Variants in NELL1 observed in about 807,000 individuals in gnomAD.
The protein encoded by NELL1 is protein kinase C-binding protein NELL1.
Under a neutral mutation model 107.4 loss-of-function variants are expected in NELL1, and 76 were observed. The observed-to-expected ratio is 0.71, with a 90% CI of 0.59 to 0.86. NELL1 has a LOEUF of 0.86. NELL1 is among the 40% of genes least tolerant of loss of function. NELL1 has a pLI of 0.00. For missense variants in NELL1, 1,024 were observed against 1,005.5 expected, an observed-to-expected ratio of 1.02 and a Z score of -0.25; for synonymous variants, 353 against 341.2, an observed-to-expected ratio of 1.03 and a Z score of -0.38.
chr11:21,301,277 G>T (rs553203850), intron 14 of NELL1, among the ~76,000 whole-genome samples: 1 of 152,156 alleles, frequency 6.6e-6, no homozygotes, highest in African/African-American at 2.4e-5. Flanking sequence ...GGATGGCTGG[G>T]TCAAATGGTA....
chr11:21,194,879 A>G (rs1052765988), intron 13 of NELL1, among the ~76,000 whole-genome samples: 6 of 152,130 alleles, frequency 3.9e-5, no homozygotes, highest in Non-Finnish European at 8.8e-5. Flanking sequence ...GCATACACCA[A>G]CCACTGGGGA....
At chr11:20,947,002 G>C (rs1484782689) in intron 10 of NELL1, among the ~76,000 whole-genome samples, 1 of 151,208 alleles carries the variant, frequency 6.6e-6, no homozygotes, top group Non-Finnish European at 1.5e-5. Context: ...TTACATCATA[G>C]AAATTAGGAA....
At chr11:20,792,466 A>G (rs1857093777) in intron 3 of NELL1, among the ~76,000 whole-genome samples, 1 of 151,778 alleles carries the variant, frequency 6.6e-6, no homozygotes, top group South Asian at 2.1e-4. Flanking sequence ...GTCTAGTAGT[A>G]CTTTCTAATA....
intron 14 of NELL1, among the ~76,000 whole-genome samples, chr11:21,348,002 T>A (rs907363474): frequency 5.9e-5 from 9 of 152,204 alleles, no homozygotes; most frequent in African/African-American, 2.2e-4. Context: ...CTGAAAAGGC[T>A]GAGCTAACAA....
chr11:20,841,899 A>G (rs1848629194), intron 3 of NELL1, among the ~76,000 whole-genome samples: 1 of 152,198 alleles, frequency 6.6e-6, no homozygotes, highest in South Asian at 2.1e-4. Context: ...CAGGTTTAAG[A>G]TTGCAACTCA....
At chr11:21,034,517 A>G (rs1304007298) in intron 12 of NELL1, among the ~76,000 whole-genome samples, 1 of 152,194 alleles carries the variant, frequency 6.6e-6, no homozygotes, top group Non-Finnish European at 1.5e-5. Flanking sequence ...TCCTGAGCAA[A>G]TGCGAAAGAC....
At chr11:20,791,147 C>T (rs1162818608) in intron 3 of NELL1, among the ~76,000 whole-genome samples, 1 of 152,160 alleles carries the variant, frequency 6.6e-6, no homozygotes, top group Non-Finnish European at 1.5e-5. Flanking sequence ...TGTATTGAAT[C>T]TGTAGGTCGT....
At chr11:20,755,158 A>G (rs1856232183) in intron 2 of NELL1, among the ~76,000 whole-genome samples, 1 of 152,142 alleles carries the variant, frequency 6.6e-6, no homozygotes, top group African/African-American at 2.4e-5. Context: ...TGCGGGAAGT[A>G]TGATAGGGGG....
chr11:20,920,511 G>A lies in NELL1; in HGVS notation c.759+1177G>A, dbSNP rs144549099. Among the ~76,000 whole-genome samples, 113 of 152,188 alleles carry A rather than the reference G, an allele frequency of 7.4e-4. 1 individual carries two copies. The Middle Eastern group carries it at 0.017, about 23-fold the overall frequency. ...ACTGAGGCCCAGATCTGAAGCATTA[G>A]CTTTTCGCTTCAGAGTATAGTGGGA... On this transcript the variant is annotated intron_variant, in intron 7 of 19. Coordinates refer to ENST00000357134, the MANE Select transcript of NELL1 (RefSeq NM_006157.5).
At chr11:21,029,324 T>C (rs969807300) in intron 12 of NELL1, among the ~76,000 whole-genome samples, 3 of 152,196 alleles carry the variant, frequency 2.0e-5, no homozygotes, top group African/African-American at 7.2e-5. Context: ...AACGTCACAT[T>C]ACAACGTCTA....
chr11:21,104,608 G>C (rs1854902392), intron 12 of NELL1, among the ~76,000 whole-genome samples: 2 of 152,146 alleles, frequency 1.3e-5, no homozygotes, highest in South Asian at 4.1e-4. Context: ...TACCATACAT[G>C]GGATGACCAA....
At chr11:21,307,056 A>G (rs1183044265) in intron 14 of NELL1, among the ~76,000 whole-genome samples, 1 of 151,918 alleles carries the variant, frequency 6.6e-6, no homozygotes, top group Non-Finnish European at 1.5e-5. Context: ...CATTTAAGTA[A>G]TTTATTTATG....
intron 4 of NELL1, among the ~76,000 whole-genome samples, chr11:20,879,540 G>A (rs1331983220): frequency 6.6e-6 from 1 of 152,122 alleles, no homozygotes; most frequent in East Asian, 1.9e-4. Context: ...TAAGAGTAGT[G>A]TGCTGCCGTA....
At chr11:21,195,831 C>G (rs958607932) in intron 13 of NELL1, among the ~76,000 whole-genome samples, 4 of 152,154 alleles carry the variant, frequency 2.6e-5, no homozygotes, top group African/African-American at 9.7e-5. Context: ...GCTCTAGGTC[C>G]TGGGGCCGAG....
intron 3 of NELL1, among the ~76,000 whole-genome samples, chr11:20,813,981 A>T (rs1010446093): frequency 5.9e-5 from 9 of 151,302 alleles, no homozygotes; most frequent in African/African-American, 1.5e-4. Context: ...ATTTATAAAT[A>T]AATTTATTTA....
chr11:20,890,844 G>T (rs1849603074), intron 5 of NELL1, among the ~76,000 whole-genome samples: 1 of 152,100 alleles, frequency 6.6e-6, no homozygotes, highest in Admixed American at 6.5e-5. Context: ...AAGCCTCCAA[G>T]AAATATGGGA....
chr11:21,509,497 C>A (rs1855380953), intron 15 of NELL1, among the ~76,000 whole-genome samples: 1 of 151,850 alleles, frequency 6.6e-6, no homozygotes, highest in African/African-American at 2.4e-5. Context: ...ATAAACAGCA[C>A]TGGAAATGAA....
chr11:20,745,842 A>T (rs2133939046), intron 2 of NELL1, among the ~76,000 whole-genome samples: 1 of 152,326 alleles, frequency 6.6e-6, no homozygotes, highest in African/African-American at 2.4e-5. Context: ...TTGTCCAAGA[A>T]CACATAGGAA....
At chr11:20,876,528 G>A (rs1209078787) in intron 4 of NELL1, among the ~76,000 whole-genome samples, 1 of 152,218 alleles carries the variant, frequency 6.6e-6, no homozygotes, top group Non-Finnish European at 1.5e-5. Flanking sequence ...CACTTTGGGA[G>A]GCCGAGGCGG....
Sources: allele counts gnomAD v4.1 joint callset (sites outside exome capture counted in the v4.1 genomes callset), GRCh38; gene constraint gnomAD v4.1.1; transcripts MANE v1.5; gene names NCBI Gene and HGNC (gene_info 2026-07-23, HGNC 2026-07-21).